SUCLG2: variants seen among roughly 807,000 people sequenced by gnomAD.
The protein encoded by SUCLG2 is succinate--CoA ligase [GDP-forming] subunit beta, mitochondrial.
Under a neutral mutation model 47.9 loss-of-function variants are expected in SUCLG2, and 42 were observed. The ratio of observed to expected loss-of-function variants is 0.88; its 90% CI spans 0.69 to 1.14. SUCLG2 has a LOEUF of 1.14. Among genes scored for constraint, SUCLG2 ranks in the 50% most tolerant of loss-of-function variants. SUCLG2 has a pLI of 0.00. For synonymous variants in SUCLG2, 195 were observed against 197.3 expected, an observed-to-expected ratio of 0.99 and a Z score of 0.10; for missense variants, 571 against 525.9, an observed-to-expected ratio of 1.09 and a Z score of -0.84.
intron 9 of SUCLG2, among the ~76,000 whole-genome samples, chr3:67,437,003 A>G (rs1468814197): frequency 6.6e-6 from 1 of 152,162 alleles, no homozygotes; most frequent in African/African-American, 2.4e-5. Context: ...TAGGAAATAG[A>G]AAAACACAAA....
At chr3:67,543,308 T>TA (rs1256604565) in intron 2 of SUCLG2, among the ~76,000 whole-genome samples, 1 of 152,180 alleles carries the variant, frequency 6.6e-6, no homozygotes, top group Non-Finnish European at 1.5e-5. Context: ...TAGCATTTTT[T>TA]AAAAAATACA....
chr3:67,526,506 T>A (rs1457149317), intron 4 of SUCLG2, among the ~76,000 whole-genome samples: 1 of 152,138 alleles, frequency 6.6e-6, no homozygotes, highest in Non-Finnish European at 1.5e-5. Flanking sequence ...AATTTCAACA[T>A]GCATTTTGGA....
At chr3:67,625,246 G>T (rs370540476) in intron 1 of SUCLG2, among the ~76,000 whole-genome samples, 14 of 152,318 alleles carry the variant, frequency 9.2e-5, no homozygotes, top group Admixed American at 7.2e-4. Context: ...GAGTGGCATC[G>T]AAGGCTCGGT....
At chr3:67,593,901 C>A (rs1453842192) in intron 2 of SUCLG2, among the ~76,000 whole-genome samples, 2 of 152,240 alleles carry the variant, frequency 1.3e-5, no homozygotes, top group African/African-American at 4.8e-5. Flanking sequence ...GTTCTTCCCA[C>A]TAGAGGCCCT....
chr3:67,476,330 C>A (rs561736269), intron 9 of SUCLG2, among the ~76,000 whole-genome samples: 2 of 151,944 alleles, frequency 1.3e-5, no homozygotes, highest in Non-Finnish European at 2.9e-5. Context: ...CGATCAGTGG[C>A]GGGATTAGAT....
At chr3:67,384,279 T>A (rs538510632) in intron 10 of SUCLG2, among the ~76,000 whole-genome samples, 2 of 152,180 alleles carry the variant, frequency 1.3e-5, no homozygotes, top group Admixed American at 6.5e-5. Context: ...GAGATTTAGA[T>A]AGAGATAACG....
At chr3:67,643,925 C>T (rs560087249) in intron 1 of SUCLG2, among the ~76,000 whole-genome samples, 1 of 152,330 alleles carries the variant, frequency 6.6e-6, no homozygotes, top group South Asian at 2.1e-4. Flanking sequence ...GATCCACCCA[C>T]CTGGGCCTCA....
chr3:67,376,549 C>G, intron 10 of SUCLG2: 1 of 941,684 alleles, frequency 1.1e-6, no homozygotes, highest in Non-Finnish European at 1.3e-6. Flanking sequence ...AATGAAATAT[C>G]TCATCCTACA....
intron 10 of SUCLG2, among the ~76,000 whole-genome samples, chr3:67,398,516 A>G (rs1452147261): frequency 6.6e-6 from 1 of 151,838 alleles, no homozygotes; most frequent in Non-Finnish European, 1.5e-5. Context: ...AAAAGTCAGG[A>G]AACAACAGGT....
chr3:67,410,915 A>G (rs1702919651), intron 9 of SUCLG2, among the ~76,000 whole-genome samples: 1 of 152,204 alleles, frequency 6.6e-6, no homozygotes, highest in Non-Finnish European at 1.5e-5. Flanking sequence ...TGGGAGCTAC[A>G]TTGGTGCAGA....
intron 2 of SUCLG2, among the ~76,000 whole-genome samples, chr3:67,544,003 C>T (rs1006514502): frequency 5.3e-5 from 8 of 152,086 alleles, no homozygotes; most frequent in African/African-American, 1.7e-4. Flanking sequence ...TAAAGAGTCA[C>T]GCAAGAAAAC....
intron 7 of SUCLG2, among the ~76,000 whole-genome samples, chr3:67,506,894 T>C (rs1705652179): frequency 6.6e-6 from 1 of 152,200 alleles, no homozygotes; most frequent in Non-Finnish European, 1.5e-5. Context: ...TGGGAGAAAG[T>C]AGAAAAGGCA....
intron 10 of SUCLG2, among the ~76,000 whole-genome samples, chr3:67,391,228 T>C (rs1047794065): frequency 6.6e-6 from 1 of 152,258 alleles, no homozygotes; most frequent in Non-Finnish European, 1.5e-5. Flanking sequence ...AAACATATTC[T>C]GTGTCTTTCG....
intron 9 of SUCLG2, among the ~76,000 whole-genome samples, chr3:67,412,808 A>C (rs1396393109): frequency 6.6e-6 from 1 of 152,152 alleles, no homozygotes; most frequent in Non-Finnish European, 1.5e-5. Flanking sequence ...TATTTTTAAA[A>C]ATAAACTTTC....
At chr3:67,366,723 C>G (rs1179499205) in intron 10 of SUCLG2, among the ~76,000 whole-genome samples, 1 of 152,076 alleles carries the variant, frequency 6.6e-6, no homozygotes, top group African/African-American at 2.4e-5. Flanking sequence ...AGAATTTAGC[C>G]CCCTCCAGCA....
chr3:67,371,633 G>C (rs1466239374), downstream of SUCLG2, among the ~76,000 whole-genome samples: 2 of 152,148 alleles, frequency 1.3e-5, no homozygotes, highest in East Asian at 1.9e-4. Flanking sequence ...TGATCTTTCT[G>C]CTTCTAAATC....
intron 9 of SUCLG2, among the ~76,000 whole-genome samples, chr3:67,487,309 G>A (rs2107033773): frequency 6.6e-6 from 1 of 152,168 alleles, no homozygotes; most frequent in Non-Finnish European, 1.5e-5. Flanking sequence ...GTAAATCATA[G>A]TAAAAGACAC....
intron 2 of SUCLG2, among the ~76,000 whole-genome samples, chr3:67,607,793 A>G (rs1206452821): frequency 2.0e-5 from 3 of 152,166 alleles, no homozygotes; most frequent in Non-Finnish European, 4.4e-5. Flanking sequence ...AGTAAGCCTC[A>G]CGAGATCTAA....
chr3:67,391,547 C>A (rs1702383003), intron 10 of SUCLG2, among the ~76,000 whole-genome samples: 1 of 152,144 alleles, frequency 6.6e-6, no homozygotes, highest in African/African-American at 2.4e-5. Context: ...ATGCTAGGTT[C>A]TAAGACCAAG....
Sources: allele counts gnomAD v4.1 joint callset (sites outside exome capture counted in the v4.1 genomes callset), GRCh38; gene constraint gnomAD v4.1.1; transcripts MANE v1.5; gene names NCBI Gene and HGNC (gene_info 2026-07-23, HGNC 2026-07-21).